The following DMD variants were observed in gnomAD, a reference collection of about 807,000 sequenced individuals.
The protein encoded by DMD is mutant dystrophin.
Under a neutral mutation model 330.1 loss-of-function variants are expected in DMD, and 63 were observed. That is an observed-to-expected ratio of 0.19 (90% CI 0.16 to 0.24). The LOEUF (loss-of-function observed/expected upper bound fraction) is 0.24. Ranked by LOEUF, DMD falls within the 10% of genes least tolerant of loss-of-function variation. DMD has a pLI of 1.00. For synonymous variants in DMD, 1,223 were observed against 959.8 expected, an observed-to-expected ratio of 1.27 and a Z score of -5.07; for missense variants, 3,344 against 2,684.1, an observed-to-expected ratio of 1.25 and a Z score of -5.43.
At chrX:32,700,807 G>C (rs1440029824) in intron 7 of DMD, among the ~76,000 whole-genome samples, 4 of 111,131 alleles carry the variant, frequency 3.6e-5, no homozygotes, top group Non-Finnish European at 5.7e-5. Context: ...CTACTATTAA[G>C]ATATCTGTAT....
At position 32,655,226 on chromosome X, in the gene DMD, T is replaced by C. The variant is rs974870881; in HGVS notation, c.961-10074A>G. On this transcript the variant is annotated intron_variant, in intron 9 of 78. Coordinates refer to ENST00000357033, the MANE Select transcript of DMD (RefSeq NM_004006.3). The stretch of plus-strand genomic sequence containing the variant: ...GCTTCTCTAGTTCTTTTAATTGTTA[T>C]GTTAGGGTGTCAATTTTAGATCTTT... Among the ~76,000 whole-genome samples the C allele has an allele frequency of 4.5e-5, 5 of 112,273 alleles. No homozygotes were observed. In the East Asian group the frequency reaches 1.4e-3, roughly 31 times the overall value.
intron 9 of DMD, among the ~76,000 whole-genome samples, chrX:32,674,895 TTC>T (rs1215294487): frequency 1.8e-5 from 2 of 110,957 alleles, no homozygotes; most frequent in Non-Finnish European, 1.9e-5. Context: ...AGCCAACAAA[TTC>T]TCTTTGTATC....
chrX:32,075,088 T>G (rs962485821), intron 44 of DMD, among the ~76,000 whole-genome samples: 1 of 112,083 alleles, frequency 8.9e-6, no homozygotes, highest in Non-Finnish European at 1.9e-5. Context: ...ACTCCTCAGA[T>G]AAAGCTCTAA....
At chrX:32,338,652 C>A (rs2097726690) in intron 41 of DMD, among the ~76,000 whole-genome samples, 1 of 111,491 alleles carries the variant, frequency 9.0e-6, no homozygotes, top group African/African-American at 3.3e-5. Flanking sequence ...TTTTTTTCCA[C>A]AATAATCATA....
At chrX:33,261,256 C>G (rs1343454897) in intron 1 of DMD, among the ~76,000 whole-genome samples, 1 of 110,481 alleles carries the variant, frequency 9.1e-6, no homozygotes, top group Non-Finnish European at 1.9e-5. Context: ...GTTAAGATGG[C>G]ATGGAAATTT....
At chrX:31,866,253 C>T (rs1474989692) in intron 48 of DMD, among the ~76,000 whole-genome samples, 1 of 111,517 alleles carries the variant, frequency 9.0e-6, no homozygotes, top group Admixed American at 9.6e-5. Flanking sequence ...ACTCCAGTCT[C>T]TCAACTCTCT....
intron 44 of DMD, among the ~76,000 whole-genome samples, chrX:32,167,599 ACAT>A (rs1431216350): frequency 1.8e-5 from 2 of 112,511 alleles, no homozygotes; most frequent in African/African-American, 6.5e-5. Flanking sequence ...GATATTTTAC[ACAT>A]CATCGTAAAC....
At chrX:32,544,547 T>C (rs971611073) in intron 17 of DMD, among the ~76,000 whole-genome samples, 2 of 112,000 alleles carry the variant, frequency 1.8e-5, no homozygotes, top group African/African-American at 6.5e-5. Flanking sequence ...ATATATCCAC[T>C]GATTTACATA....
intron 54 of DMD, among the ~76,000 whole-genome samples, chrX:31,648,359 C>T (rs752390492): frequency 2.1e-4 from 23 of 108,944 alleles, no homozygotes; most frequent in Admixed American, 1.3e-3. Flanking sequence ...ATCAAAAAGG[C>T]ACAATCTGGG....
intron 9 of DMD, among the ~76,000 whole-genome samples, chrX:32,695,180 G>C (rs776471869): frequency 8.9e-6 from 1 of 111,981 alleles, no homozygotes; most frequent in East Asian, 2.8e-4. Flanking sequence ...AATCACCGTC[G>C]AGAAAGTGCA....
At position 31,154,292 on chromosome X, in the gene DMD, A is replaced by T. The variant is rs1044532485; in HGVS notation, c.10554-6774T>A. Among the ~76,000 whole-genome samples, 18 of 106,319 alleles carry T rather than the reference A, an allele frequency of 1.7e-4. No homozygotes were observed. In the South Asian group the frequency reaches 2.8e-3, roughly 17 times the overall value. 92.3% of individuals were successfully genotyped at this position (106,319 alleles called of 115,157 possible). On this transcript the variant is annotated intron_variant, in intron 74 of 78. Coordinates refer to ENST00000357033, the MANE Select transcript of DMD (RefSeq NM_004006.3). ...TAAGTTATTCTAATGTTTTTTTTTT[A>T]TTTTTTTATTTTTTATTTTTTGAGA... is the stretch of plus-strand genomic sequence containing the variant.
At chrX:31,221,686 T>C (rs897924547) in intron 64 of DMD, among the ~76,000 whole-genome samples, 16 of 113,044 alleles carry the variant, frequency 1.4e-4, no homozygotes, top group African/African-American at 5.1e-4. Flanking sequence ...ATTATACATA[T>C]ATTTGCTTAT....
chrX:31,786,990 G>A (rs368959921), intron 50 of DMD, among the ~76,000 whole-genome samples: 11 of 112,224 alleles, frequency 9.8e-5, no homozygotes, highest in Admixed American at 1.9e-4. Flanking sequence ...CTCTGACACC[G>A]TATCTCTGGT....
chrX:31,970,406 A>G (rs1259475674), intron 44 of DMD, among the ~76,000 whole-genome samples: 1 of 110,990 alleles, frequency 9.0e-6, no homozygotes, highest in Non-Finnish European at 1.9e-5. Context: ...TAGGCAGTAC[A>G]TAATCTAGTT....
chrX:32,645,595 T>G (rs2059731329), intron 9 of DMD, among the ~76,000 whole-genome samples: 2 of 111,160 alleles, frequency 1.8e-5, no homozygotes, highest in Admixed American at 9.6e-5. Flanking sequence ...TTTCCAAATA[T>G]TTACAGACCA....
intron 1 of DMD, among the ~76,000 whole-genome samples, chrX:33,235,922 T>A (rs190927901): frequency 0.047 from 4,880 of 104,820 alleles, 286 homozygotes; most frequent in African/African-American, 0.15. Context: ...TATTATTTTT[T>A]TTTTTTTTTA....
At chrX:31,481,829 C>T (rs2068310326) in intron 57 of DMD, among the ~76,000 whole-genome samples, 1 of 111,191 alleles carries the variant, frequency 9.0e-6, no homozygotes, top group Admixed American at 9.6e-5. Context: ...AAATATGAAG[C>T]CCATACCTTG....
At chrX:33,096,931 G>C (rs934742724) in intron 1 of DMD, among the ~76,000 whole-genome samples, 1 of 112,483 alleles carries the variant, frequency 8.9e-6, no homozygotes, top group African/African-American at 3.2e-5. Context: ...ATATCAAACA[G>C]AATGATTCAT....
At chrX:32,517,071 G>A (rs2045930259) in intron 18 of DMD, 2 of 110,824 alleles carry the variant, frequency 1.8e-5, no homozygotes, top group South Asian at 7.5e-4. Context: ...AACCCCAACA[G>A]CAAACATTAG....
Sources: gnomAD v4.1 joint callset for allele counts (sites outside exome capture counted in the v4.1 genomes callset) on GRCh38, gnomAD v4.1.1 for gene constraint, MANE v1.5 for transcripts, NCBI Gene and HGNC (gene_info 2026-07-23, HGNC 2026-07-21) for gene names.